Variants in SUGCT observed in about 807,000 individuals in gnomAD.
The protein encoded by SUGCT is succinyl-CoA:glutarate CoA-transferase.
In SUGCT, 41 loss-of-function variants were observed where a neutral mutation model predicts 55.0. The ratio of observed to expected loss-of-function variants is 0.74; its 90% CI spans 0.58 to 0.97. The LOEUF (loss-of-function observed/expected upper bound fraction) is 0.97, where lower values mean the gene tolerates loss of function less well. Among genes scored for constraint, SUGCT ranks in the 50% least tolerant of loss-of-function variants. The pLI, the probability that SUGCT is intolerant of heterozygous loss-of-function variation, is 0.00. For missense variants in SUGCT, 568 were observed against 547.8 expected (o/e 1.04, Z -0.37); for synonymous variants, 187 against 200.4 (o/e 0.93, Z 0.56).
intron 11 of SUGCT, among the ~76,000 whole-genome samples, chr7:40,473,080 G>A (rs930504298): frequency 6.6e-6 from 1 of 152,098 alleles, no homozygotes; most frequent in Non-Finnish European, 1.5e-5. Flanking sequence ...TTTCTTGTTT[G>A]TGTATTACAA....
intron 9 of SUGCT, among the ~76,000 whole-genome samples, chr7:40,427,429 T>C (rs974097240): frequency 1.7e-4 from 26 of 152,166 alleles, no homozygotes; most frequent in African/African-American, 6.3e-4. Flanking sequence ...GTCAATGTCA[T>C]TTCCCCCTTA....
At chr7:40,600,887 G>T (rs1005446727) in intron 12 of SUGCT, among the ~76,000 whole-genome samples, 2 of 152,000 alleles carry the variant, frequency 1.3e-5, no homozygotes, top group African/African-American at 4.8e-5. Context: ...TTTGATATGG[G>T]GGAGGGGGCA....
At chr7:40,528,344 A>T (rs1013066124) in intron 12 of SUGCT, among the ~76,000 whole-genome samples, 5 of 152,202 alleles carry the variant, frequency 3.3e-5, no homozygotes, top group Non-Finnish European at 7.3e-5. Context: ...AATAGATCTG[A>T]CTTAAAATGC....
chr7:40,266,185 C>CATT (rs1791562263), intron 7 of SUGCT, among the ~76,000 whole-genome samples: 1 of 116,810 alleles, frequency 8.6e-6, no homozygotes, highest in Non-Finnish European at 1.7e-5. Flanking sequence ...CTTTCCTTTC[C>CATT]TTTTTTTTTT....
At chr7:40,398,030 C>T (rs1486653237) in intron 9 of SUGCT, among the ~76,000 whole-genome samples, 1 of 152,210 alleles carries the variant, frequency 6.6e-6, no homozygotes, top group Non-Finnish European at 1.5e-5. Flanking sequence ...CCATGGACAA[C>T]CCTCAACCAG....
the SUGCT span, among the ~76,000 whole-genome samples, chr7:40,983,047 G>A: frequency 1.3e-5 from 2 of 152,200 alleles, no homozygotes. Context: ...TACTGTCTTA[G>A]TGGAAATTGG....
At chr7:40,145,267 C>T (rs935610748) in intron 1 of SUGCT, among the ~76,000 whole-genome samples, 2 of 152,186 alleles carry the variant, frequency 1.3e-5, no homozygotes. Flanking sequence ...ACACACCTTG[C>T]ACATAAACTG....
the SUGCT span, among the ~76,000 whole-genome samples, chr7:41,030,281 A>G: frequency 1.3e-5 from 2 of 151,708 alleles, no homozygotes; most frequent in African/African-American, 4.8e-5. Flanking sequence ...GTGATTCACC[A>G]TCTTCTGCTT....
intron 6 of SUGCT, 89 bp downstream of exon 6, chr7:40,195,149 T>A (rs1786173012): frequency 7.1e-7 from 1 of 1,401,766 alleles, no homozygotes; most frequent in Non-Finnish European, 9.5e-7. Flanking sequence ...CTGGCTTTTT[T>A]TTTTTTTGGA....
chr7:40,233,414 T>C (rs1173834781), intron 6 of SUGCT, among the ~76,000 whole-genome samples: 6 of 151,948 alleles, frequency 3.9e-5, no homozygotes, highest in Admixed American at 3.3e-4. Context: ...AGAGACAGGG[T>C]TACACCATGT....
chr7:40,511,586 T>C (rs1486991401), intron 12 of SUGCT, among the ~76,000 whole-genome samples: 1 of 152,200 alleles, frequency 6.6e-6, no homozygotes, highest in Non-Finnish European at 1.5e-5. Flanking sequence ...GAAGTTGAGA[T>C]GGGAGTATGT....
At chr7:40,487,665 ATTTAC>A (rs1438597372) in intron 11 of SUGCT, among the ~76,000 whole-genome samples, 2 of 151,958 alleles carry the variant, frequency 1.3e-5, no homozygotes, top group Non-Finnish European at 2.9e-5. Context: ...AACTATTCAT[ATTTAC>A]TTTATGTATT....
chr7:40,758,815 G>A (rs1346061522), intron 13 of SUGCT, among the ~76,000 whole-genome samples: 3 of 152,056 alleles, frequency 2.0e-5, no homozygotes, highest in Non-Finnish European at 2.9e-5. Context: ...CCCTTTATCT[G>A]AACATTGTGT....
At chr7:40,468,043 C>T (rs909628431) in intron 11 of SUGCT, among the ~76,000 whole-genome samples, 16 of 149,264 alleles carry the variant, frequency 1.1e-4, no homozygotes, top group African/African-American at 3.5e-4. Flanking sequence ...ACTTGTTCTG[C>T]GTTGTGGGTA....
intron 1 of SUGCT, among the ~76,000 whole-genome samples, chr7:40,178,833 T>C (rs1249072859): frequency 6.6e-6 from 1 of 152,178 alleles, no homozygotes; most frequent in Non-Finnish European, 1.5e-5. Flanking sequence ...TTTGGTAATA[T>C]TCTCTTTTCT....
intron 1 of SUGCT, among the ~76,000 whole-genome samples, chr7:40,169,713 G>T (rs2150673399): frequency 6.6e-6 from 1 of 151,872 alleles, no homozygotes; most frequent in East Asian, 1.9e-4. Context: ...AAGTCCGTTT[G>T]CCTGAGGGCC....
At chr7:40,878,808 T>A in the SUGCT span, among the ~76,000 whole-genome samples, 1 of 151,920 alleles carries the variant, frequency 6.6e-6, no homozygotes, top group Middle Eastern at 3.4e-3. Flanking sequence ...TTTTTTTTTT[T>A]TTTTGAGATG....
intron 12 of SUGCT, among the ~76,000 whole-genome samples, chr7:40,708,932 T>C (rs1373003857): frequency 6.6e-6 from 1 of 152,166 alleles, no homozygotes; most frequent in African/African-American, 2.4e-5. Flanking sequence ...GGGTAGAGGC[T>C]TTGCCTGTAG....
At chr7:40,554,889 G>C (rs1795480704) in intron 12 of SUGCT, among the ~76,000 whole-genome samples, 1 of 152,004 alleles carries the variant, frequency 6.6e-6, no homozygotes, top group Non-Finnish European at 1.5e-5. Flanking sequence ...TCCTCATCCT[G>C]ACCTTAATGC....
Sources: allele counts gnomAD v4.1 joint callset (sites outside exome capture counted in the v4.1 genomes callset), GRCh38; gene constraint gnomAD v4.1.1; transcripts MANE v1.5; gene names NCBI Gene and HGNC (gene_info 2026-07-23, HGNC 2026-07-21).